PIK3R6: variants seen among roughly 807,000 people sequenced by gnomAD.
PIK3R6 encodes phosphoinositide 3-kinase regulatory subunit 6.
In PIK3R6, 91 loss-of-function variants were observed where a neutral mutation model predicts 84.9. The observed-to-expected ratio is 1.07, with a 90% CI of 0.90 to 1.28. The LOEUF (loss-of-function observed/expected upper bound fraction) is 1.28, where lower values mean the gene tolerates loss of function less well. Ranked by LOEUF, PIK3R6 falls within the 50% of genes most tolerant of loss-of-function variation. The pLI, the probability that PIK3R6 is intolerant of heterozygous loss-of-function variation, is 0.00. For synonymous variants in PIK3R6, 416 were observed against 411.4 expected, an observed-to-expected ratio of 1.01 and a Z score of -0.13; for missense variants, 996 against 985.1, an observed-to-expected ratio of 1.01 and a Z score of -0.15.
At chr17:8,820,417 G>GA (rs35027109) in intron 17 of PIK3R6, among the ~76,000 whole-genome samples, 17,408 of 147,748 alleles carry the variant, frequency 0.12, 1,827 homozygotes, top group East Asian at 0.3. Context: ...CTCCATTTTA[G>GA]AAAAAAAAAA....
At chr17:8,841,713 A>G (rs78385142) in intron 2 of PIK3R6, among the ~76,000 whole-genome samples, 1 of 151,676 alleles carries the variant, frequency 6.6e-6, no homozygotes, top group African/African-American at 2.4e-5. Context: ...AAAAAAAAAA[A>G]CCATGAAAGT....
intron 9 of PIK3R6, among the ~76,000 whole-genome samples, chr17:8,832,370 A>G (rs71369621): frequency 0.17 from 21,744 of 124,738 alleles, 2,161 homozygotes; most frequent in African/African-American, 0.3. Flanking sequence ...CAAATTACCC[A>G]CCTTCTTTTT....
At chr17:8,829,419 C>A (rs1292360211) in intron 10 of PIK3R6, among the ~76,000 whole-genome samples, 1 of 150,950 alleles carries the variant, frequency 6.6e-6, no homozygotes, top group African/African-American at 2.5e-5. Flanking sequence ...CACAGACACA[C>A]TGACACACTC....
At chr17:8,849,029 G>C (rs1404639654) in intron 2 of PIK3R6, among the ~76,000 whole-genome samples, 1 of 152,158 alleles carries the variant, frequency 6.6e-6, no homozygotes, top group African/African-American at 2.4e-5. Context: ...ACACATCTTG[G>C]TGGGGGTTGG....
chr17:8,849,917 G>A (rs1405796148), intron 1 of PIK3R6, 32 bp from the exon 2 acceptor site: 3 of 1,352,212 alleles, frequency 2.2e-6, no homozygotes, highest in African/African-American at 2.9e-5. Flanking sequence ...ATTAGTGGAA[G>A]CAGTGGGAAG....
chr17:8,865,699 G>T (rs867892001), intron 1 of PIK3R6, among the ~76,000 whole-genome samples: 30 of 152,064 alleles, frequency 2.0e-4, no homozygotes, highest in Middle Eastern at 3.4e-3. Flanking sequence ...GTCCTGAGGG[G>T]GCCCCCTCAA....
intron 1 of PIK3R6, among the ~76,000 whole-genome samples, chr17:8,867,023 C>T (rs2089428162): frequency 6.6e-6 from 1 of 152,208 alleles, no homozygotes; most frequent in Admixed American, 6.5e-5. Flanking sequence ...AGAAAGGGCA[C>T]AGACTGGGAC....
chr17:8,856,470 C>T (rs1246906381), intron 1 of PIK3R6, among the ~76,000 whole-genome samples: 1 of 152,204 alleles, frequency 6.6e-6, no homozygotes, highest in East Asian at 1.9e-4. Flanking sequence ...GGCATGGTGG[C>T]AGGTGCCTGT....
At chr17:8,864,247 A>C (rs2089350144) in intron 1 of PIK3R6, among the ~76,000 whole-genome samples, 1 of 152,104 alleles carries the variant, frequency 6.6e-6, no homozygotes. Flanking sequence ...CGTCATGAAA[A>C]TTTGGGGTTT....
chr17:8,822,533 C>G, intron 16 of PIK3R6, 54 bp downstream of exon 16: 1 of 1,579,474 alleles, frequency 6.3e-7, no homozygotes, highest in Non-Finnish European at 8.7e-7. Context: ...CAGAGGCCTG[C>G]TCCCTCCAGC....
chr17:8,833,048 G>C lies in PIK3R6; in HGVS notation c.646-3C>G, dbSNP rs1310318175. On this transcript the variant is annotated splice_region_variant and splice_polypyrimidine_tract_variant and intron_variant, in intron 8 of 19. Transcript: ENST00000619866. ...TCCAGGGTGCGGCGAGGGCTGGCCT[G>C]TTGGGGAGGGGCGTCAGAGCCTGGG... The C allele has an allele frequency of 6.3e-7, 1 of 1,577,430 alleles. No individual in the cohort carries two copies. The highest frequency in any genetic ancestry group is 8.6e-7 in the Non-Finnish European group (1 of 1,164,918).
In PIK3R6 at chr17:8,837,853, G is replaced by A. The variant is rs757610805; in HGVS notation, c.208C>T (p.Arg70Trp). The change falls in exon 5 of 20, where the codon CGG (arginine) becomes TGG (tryptophan). Residue 70 changes from arginine to tryptophan, a missense_variant. By Grantham distance (101) the Arg-to-Trp change is moderately radical. Transcript: ENST00000619866. ...TGCAGCAAGGGAATGATGACATGCC[G>A]GAGGTCCTGGCTTTCCGCCTGGAAA... is the stretch of plus-strand genomic sequence containing the variant. ...ELEKAESQDL[R>W]HVIIPLLHTV... The A allele has an allele frequency of 9.3e-6, 15 of 1,613,950 alleles. No individual in the cohort carries two copies. Among genetic ancestry groups the A allele is most frequent in the African/African-American group, 6.7e-5 (5 of 75,066 alleles).
chr17:8,858,751 T>C (rs918423715), intron 1 of PIK3R6, among the ~76,000 whole-genome samples: 7 of 152,230 alleles, frequency 4.6e-5, no homozygotes, highest in African/African-American at 1.7e-4. Flanking sequence ...TTCTCATGTA[T>C]GATTCCTCAT....
chr17:8,840,175 C>G (rs1355817524), intron 2 of PIK3R6, among the ~76,000 whole-genome samples: 1 of 137,852 alleles, frequency 7.3e-6, no homozygotes, highest in East Asian at 2.1e-4. Flanking sequence ...ATATAGCCTC[C>G]AAATATATAT....
At chr17:8,815,715 T>C (rs1301295266) in intron 18 of PIK3R6, among the ~76,000 whole-genome samples, 1 of 152,116 alleles carries the variant, frequency 6.6e-6, no homozygotes. Context: ...TCTTGAAGGC[T>C]ACAAGCTCAG....
At chr17:8,848,289 C>T (rs571374962) in intron 2 of PIK3R6, among the ~76,000 whole-genome samples, 6 of 152,276 alleles carry the variant, frequency 3.9e-5, no homozygotes, top group African/African-American at 1.4e-4. Context: ...TATTGGTGCA[C>T]CTCTTTTCCT....
chr17:8,829,577 GACAC>G, intron 10 of PIK3R6, 125 bp downstream of exon 10: 1 of 916,644 alleles, frequency 1.1e-6, no homozygotes, highest in South Asian at 1.5e-5. Flanking sequence ...TACACACACA[GACAC>G]ACTGACACAC....
chr17:8,858,613 G>A (rs1434313254), intron 1 of PIK3R6, among the ~76,000 whole-genome samples: 1 of 152,132 alleles, frequency 6.6e-6, no homozygotes, highest in Non-Finnish European at 1.5e-5. Context: ...CAGGCGCCTG[G>A]CTGTTTTCTC....
chr17:8,832,832 G>A (rs2088298580), intron 9 of PIK3R6, 57 bp downstream of exon 9: 1 of 1,608,630 alleles, frequency 6.2e-7, no homozygotes, highest in Non-Finnish European at 8.5e-7. Flanking sequence ...CCCCTGCTGT[G>A]CAGTGAGCTG....
Sources: allele counts gnomAD v4.1 joint callset (sites outside exome capture counted in the v4.1 genomes callset), GRCh38; gene constraint gnomAD v4.1.1; transcripts MANE v1.5; gene names NCBI Gene and HGNC (gene_info 2026-07-23, HGNC 2026-07-21).